FAM135A: variants seen among roughly 807,000 people sequenced by gnomAD.
FAM135A encodes family with sequence similarity 135 member A.
FAM135A carries 79 observed loss-of-function variants against 146.8 expected under a neutral mutation model. The observed-to-expected ratio is 0.54, with a 90% CI of 0.45 to 0.65. FAM135A has a LOEUF of 0.65. FAM135A is among the 30% of genes least tolerant of loss of function. FAM135A has a pLI of 0.00. For synonymous variants in FAM135A, 562 were observed against 603.6 expected (o/e 0.93, Z 1.01); for missense variants, 1,623 against 1,758.2 (o/e 0.92, Z 1.38).
intron 20 of FAM135A, among the ~76,000 whole-genome samples, chr6:70,540,378 G>A (rs976577972): frequency 7.4e-6 from 1 of 134,874 alleles, no homozygotes; most frequent in Middle Eastern, 4.0e-3. Flanking sequence ...AGGCTGGAGT[G>A]CAGTGGCACG....
rs1321133073 is a variant in FAM135A at position 70,536,254 on chromosome 6, T to C, written c.3966-6T>C. 6.2e-7 allele frequency: 1 copy of C among 1,600,702 alleles called. No homozygotes were observed. Among genetic ancestry groups the C allele is most frequent in the African/African-American group, 1.3e-5 (1 of 74,172 alleles). The stretch of plus-strand genomic sequence containing the variant: ...TGAGAAAATTAATTTTTTTTTCCTC[T>C]TAAAGCTTTATTGGACATTCGTTGG... On this transcript the variant is annotated splice_polypyrimidine_tract_variant and splice_region_variant and intron_variant, in intron 18 of 21. Transcript: ENST00000418814.
At position 70,457,597 on chromosome 6, in the gene FAM135A, A is replaced by T. The variant is rs192730463; in HGVS notation, c.157+5026A>T. 5.0e-3 allele frequency among the ~76,000 whole-genome samples: 768 copies of T among 152,316 alleles called. 5 individuals are homozygous for T. Among genetic ancestry groups the T allele is most frequent in the African/African-American group, 0.016 (679 of 41,570 alleles). ...CTTCTTTGTCTTTTGAGAGAAAAAA[A>T]ATTCTAGAAAAGATAAAAATGAATT... On this transcript the variant is annotated intron_variant, in intron 5 of 21. Coordinates refer to ENST00000418814, the MANE Select transcript of FAM135A (RefSeq NM_001162529.3).
intron 18 of FAM135A, among the ~76,000 whole-genome samples, chr6:70,534,426 C>T (rs113816295): frequency 0.12 from 18,311 of 148,738 alleles, 1,411 homozygotes; most frequent in Middle Eastern, 0.19. Flanking sequence ...CTCAGGCGAT[C>T]CTCCCACCTC....
intron 4 of FAM135A, among the ~76,000 whole-genome samples, chr6:70,436,377 C>CATTTGTT (rs1562414895): frequency 2.6e-5 from 4 of 152,066 alleles, no homozygotes; most frequent in African/African-American, 4.8e-5. Context: ...AGAATCAGCC[C>CATTTGTT]TTCTCTGTAC....
chr6:70,508,259 G>A (rs1212927723), intron 12 of FAM135A, among the ~76,000 whole-genome samples: 1 of 152,148 alleles, frequency 6.6e-6, no homozygotes, highest in Non-Finnish European at 1.5e-5. Flanking sequence ...GAGCATCCTT[G>A]AAAAGATAGT....
chr6:70,472,825 T>C (rs2128142811), intron 5 of FAM135A, among the ~76,000 whole-genome samples: 1 of 152,352 alleles, frequency 6.6e-6, no homozygotes, highest in South Asian at 2.1e-4. Flanking sequence ...ATTCATTTTA[T>C]GTGTTTTTGA....
intron 10 of FAM135A, among the ~76,000 whole-genome samples, chr6:70,489,779 G>A (rs1360040503): frequency 2.6e-5 from 4 of 152,046 alleles, no homozygotes; most frequent in Non-Finnish European, 4.4e-5. Context: ...TGCTTGTCTC[G>A]TTAGCATTTA....
chr6:70,421,926 A>G (rs1235140568), intron 2 of FAM135A, among the ~76,000 whole-genome samples: 3 of 152,176 alleles, frequency 2.0e-5, no homozygotes, highest in Non-Finnish European at 2.9e-5. Flanking sequence ...GTTCCTTGCA[A>G]TGGAGAATCT....
chr6:70,464,658 C>CT (rs754818109), intron 5 of FAM135A, among the ~76,000 whole-genome samples: 1,832 of 99,948 alleles, frequency 0.018, 111 homozygotes, highest in Admixed American at 0.042. Context: ...TTCTTTCTTT[C>CT]TTTTTTTTCT....
In FAM135A at chr6:70,452,510, T is replaced by G; in HGVS notation, c.96T>G (p.Ala32=). ...GCTTTAGTTTTTACCAGATTCGTGC[T>G]TCTATGAAAATTCCATCAAGAATTC... The part of the protein sequence containing the change: ...LFQRGFYQIR[A]SMKIPSRIPH... The change falls in exon 5 of 22, where the codon GCT becomes GCG. Residue 32 remains alanine, a synonymous_variant. Transcript: ENST00000418814. The G allele has an allele frequency of 6.3e-7, 1 of 1,597,884 alleles. No individual in the cohort carries two copies.
intron 12 of FAM135A, among the ~76,000 whole-genome samples, chr6:70,519,270 T>C (rs941012931): frequency 1.3e-5 from 2 of 152,200 alleles, no homozygotes; most frequent in Admixed American, 6.5e-5. Context: ...GGCTGCAATC[T>C]CATTATCAAA....
chr6:70,502,909 T>A, intron 12 of FAM135A, 118 bp downstream of exon 12: 1 of 1,042,652 alleles, frequency 9.6e-7, no homozygotes. Context: ...AAAGAGACAT[T>A]TGTCATATTG....
intron 4 of FAM135A, among the ~76,000 whole-genome samples, chr6:70,430,634 G>T (rs1408031121): frequency 6.6e-6 from 1 of 152,192 alleles, no homozygotes; most frequent in East Asian, 1.9e-4. Context: ...GTGGGATCAT[G>T]CCCATCAACT....
chr6:70,477,370 A>G (rs1303427553), intron 8 of FAM135A, 38 bp downstream of exon 8: 1 of 1,594,476 alleles, frequency 6.3e-7, no homozygotes, highest in Non-Finnish European at 8.6e-7. Context: ...AGCCATTCTT[A>G]CACTGCAATA....
At chr6:70,512,467 A>C (rs1248711753) in intron 12 of FAM135A, among the ~76,000 whole-genome samples, 1 of 151,838 alleles carries the variant, frequency 6.6e-6, no homozygotes, top group African/African-American at 2.4e-5. Context: ...ATACAGTTTT[A>C]AACTCCTAAC....
intron 12 of FAM135A, among the ~76,000 whole-genome samples, chr6:70,517,148 C>T (rs1047280343): frequency 6.6e-6 from 1 of 152,172 alleles, no homozygotes; most frequent in South Asian, 2.1e-4. Context: ...TTTAGGCAGA[C>T]TTCCAATTTG....
chr6:70,429,380 G>T (rs551106573), intron 4 of FAM135A, among the ~76,000 whole-genome samples: 1 of 152,098 alleles, frequency 6.6e-6, no homozygotes, highest in African/African-American at 2.4e-5. Context: ...GGGCGTGGTG[G>T]TGCACGCCTG....
intron 5 of FAM135A, among the ~76,000 whole-genome samples, chr6:70,470,755 G>C (rs921070565): frequency 1.3e-5 from 2 of 152,202 alleles, no homozygotes; most frequent in African/African-American, 4.8e-5. Flanking sequence ...GGCCATTTTA[G>C]AGGCTGGCTA....
chr6:70,535,835 A>G (rs1287823261), intron 18 of FAM135A: 1 of 153,688 alleles, frequency 6.5e-6, no homozygotes, highest in Non-Finnish European at 1.4e-5. Context: ...AGAATAAGAG[A>G]AACAGATATA....
Sources: allele counts gnomAD v4.1 joint callset (sites outside exome capture counted in the v4.1 genomes callset), GRCh38; gene constraint gnomAD v4.1.1; transcripts MANE v1.5; gene names NCBI Gene and HGNC (gene_info 2026-07-23, HGNC 2026-07-21).